The following ABLIM2 variants were observed in gnomAD, a reference collection of about 807,000 sequenced individuals.
ABLIM2 encodes actin-binding LIM protein 2.
Under a neutral mutation model 97.7 loss-of-function variants are expected in ABLIM2, and 53 were observed. That is an observed-to-expected ratio of 0.54 (90% CI 0.44 to 0.68). The LOEUF is 0.68. Ranked by LOEUF, ABLIM2 falls within the 30% of genes least tolerant of loss-of-function variation. The pLI, the probability that ABLIM2 is intolerant of heterozygous loss-of-function variation, is 0.00. For synonymous variants in ABLIM2, 361 were observed against 345.8 expected (o/e 1.04, Z -0.49); for missense variants, 835 against 867.2 (o/e 0.96, Z 0.47).
rs573679268 is a variant in ABLIM2, at chr4:8,017,760, G to C, written c.1423+1858C>G. Among the ~76,000 whole-genome samples, 8 of 152,316 alleles carry C rather than the reference G, an allele frequency of 5.3e-5. No individual in the cohort carries two copies. In the East Asian group the frequency reaches 7.7e-4, roughly 15 times the overall value. On this transcript the variant is annotated intron_variant, in intron 14 of 20. Coordinates refer to ENST00000447017, the MANE Select transcript of ABLIM2 (RefSeq NM_001130083.2). ...TATAATCCTAGCACTTTGGGAGGCTGAAGCGGGTGGATCACAAGGTCAAAA... is the reference window on the plus strand; with the variant it reads ...TATAATCCTAGCACTTTGGGAGGCTCAAGCGGGTGGATCACAAGGTCAAAA...
chr4:7,976,803 A>C (rs929574926), intron 20 of ABLIM2, among the ~76,000 whole-genome samples: 1 of 152,168 alleles, frequency 6.6e-6, no homozygotes, highest in African/African-American at 2.4e-5. Context: ...ACACACATAC[A>C]CATGTATACA....
chr4:8,088,119 C>A (rs1394750351), intron 4 of ABLIM2, 50 bp downstream of exon 4: 2 of 826,768 alleles, frequency 2.4e-6, no homozygotes, highest in Non-Finnish European at 3.5e-6. Context: ...TTTAGCACCC[C>A]CCACTCAGCA....
chr4:7,973,361 C>T (rs1011511846), intron 20 of ABLIM2, among the ~76,000 whole-genome samples: 1 of 151,318 alleles, frequency 6.6e-6, no homozygotes, highest in South Asian at 2.1e-4. Flanking sequence ...ATTAACCAGG[C>T]GTGGTGGTAC....
chr4:7,977,825 T>TAAAA (rs1253773449), intron 20 of ABLIM2, among the ~76,000 whole-genome samples: 2 of 151,260 alleles, frequency 1.3e-5, no homozygotes, highest in African/African-American at 2.4e-5. Flanking sequence ...AATAAATAAA[T>TAAAA]AAAAGGTGGG....
chr4:8,119,108 A>AGTGGCCCAGCAAGCCTCAGG (rs1215719620), intron 1 of ABLIM2, among the ~76,000 whole-genome samples: 1 of 152,000 alleles, frequency 6.6e-6, no homozygotes, highest in East Asian at 1.9e-4. Flanking sequence ...CTGGGGAACA[A>AGTGGCCCAGCAAGCCTCAGG]GTGGCCCAGC....
At chr4:7,981,474 C>T (rs188966845) in intron 20 of ABLIM2, among the ~76,000 whole-genome samples, 69 of 152,270 alleles carry the variant, frequency 4.5e-4, no homozygotes, top group Middle Eastern at 3.4e-3. Flanking sequence ...ACCCAACCAC[C>T]GTGGGCCCGT....
rs772068885 is a variant in ABLIM2, at chr4:8,097,248, G to C, written c.189C>G (p.Phe63Leu). ...TGCAGATGTACTCGCCCTGCCGCAC[G>C]AAGAAGCCGCCCTCGGCCAGGTCGC... is the stretch of plus-strand genomic sequence containing the variant. ...CGCDLAEGGF[F>L]VRQGEYICTL... The change falls in exon 3 of 21, where the codon TTC (phenylalanine) becomes TTG (leucine). Residue 63 changes from phenylalanine (F) to leucine (L), a missense_variant. By Grantham distance (22) the Phe-to-Leu change is conservative. Transcript: ENST00000447017. 1.3e-6 allele frequency: 2 copies of C among 1,571,868 alleles called. No individual in the cohort carries two copies. Among genetic ancestry groups the C allele is most frequent in the South Asian group, 2.3e-5 (2 of 85,498 alleles).
In ABLIM2 at chr4:8,071,788, C is replaced by T; in HGVS notation, c.675+5840G>A. ...TCCTACCTGCACAGCTTCTGGGCAC[C>T]AGAGCCCAGTCTGACGGCCCTGCTT... is the stretch of plus-strand genomic sequence containing the variant. On this transcript the variant is annotated intron_variant, in intron 6 of 20. Transcript: ENST00000447017. This position sits in a 1 kb window ranked among gnomAD's most constrained non-coding sequence, Gnocchi z 6.2. 1 of 985,476 alleles carries T rather than the reference C, an allele frequency of 1.0e-6. No individual in the cohort carries two copies. Among genetic ancestry groups the T allele is most frequent in the Non-Finnish European group, 1.2e-6 (1 of 829,998 alleles). The allele number at this position is 985,476 out of a possible 1,614,324, so 61.0% of individuals were successfully genotyped here. A position where few individuals can be genotyped will look rare whatever the true frequency, so the allele number is the denominator to read the frequency against.
At chr4:8,080,205 C>T (rs901208132) in intron 5 of ABLIM2, among the ~76,000 whole-genome samples, 92 of 152,320 alleles carry the variant, frequency 6.0e-4, no homozygotes, top group African/African-American at 2.1e-3. Context: ...AGACAGAGTG[C>T]GTGGCTGTGG....
chr4:8,055,158 T>C (rs1423471423), intron 7 of ABLIM2, among the ~76,000 whole-genome samples: 1 of 152,180 alleles, frequency 6.6e-6, no homozygotes, highest in Non-Finnish European at 1.5e-5. Context: ...GAAAAGTGCT[T>C]TGTGAGTTGC....
In ABLIM2 at chr4:8,003,561, C is replaced by CTTT. The variant is rs796877068; in HGVS notation, c.1618+4495_1618+4497dup. On this transcript the variant is annotated intron_variant, in intron 16 of 20. Transcript: ENST00000447017. The surrounding 1 kb of genome is among the most constrained non-coding windows in gnomAD (Gnocchi z 4.2). ...ACCACTACGCTCTTCTTCCAGTTTTCTTTTTTTTTTTTTTTTTTTTTGGAG... is the reference window on the plus strand; with the variant it reads ...ACCACTACGCTCTTCTTCCAGTTTTCTTTTTTTTTTTTTTTTTTTTTTTTGGAG... Among the ~76,000 whole-genome samples the CTTT allele has an allele frequency of 3.7e-4, 45 of 120,168 alleles. No individual in the cohort carries two copies. Among genetic ancestry groups the CTTT allele is most frequent in the East Asian group, 9.7e-4 (4 of 4,110 alleles). 78.8% of individuals were successfully genotyped at this position (120,168 alleles called of 152,430 possible). A position where few individuals can be genotyped will look rare whatever the true frequency, so the allele number is the denominator to read the frequency against.
chr4:8,010,300 C>T (rs1244616613), intron 14 of ABLIM2: 2 of 917,244 alleles, frequency 2.2e-6, no homozygotes, highest in East Asian at 2.4e-4. Context: ...GGTAAACACC[C>T]ACACCTTGTG....
chr4:7,967,332 G>A (rs1265675843), intron 20 of ABLIM2, among the ~76,000 whole-genome samples: 1 of 152,216 alleles, frequency 6.6e-6, no homozygotes, highest in East Asian at 1.9e-4. Flanking sequence ...TGGTGGAGCT[G>A]GAGCCAGAAT....
chr4:7,971,350 C>G (rs182229440), intron 20 of ABLIM2, among the ~76,000 whole-genome samples: 3 of 151,980 alleles, frequency 2.0e-5, no homozygotes, highest in African/African-American at 7.2e-5. Flanking sequence ...CCCCAGGGCC[C>G]GCGCAGGACA....
rs1341694287 is a variant in ABLIM2, at chr4:7,998,230, T to C, written c.1619-5303A>G. ...TCAAATCATTGATCTTCGGTGTTCT[T>C]GGTGTGACGGGTAATTTTTCTGCAG... is the stretch of plus-strand genomic sequence containing the variant. On this transcript the variant is annotated intron_variant, in intron 16 of 20. Coordinates refer to ENST00000447017, the MANE Select transcript of ABLIM2 (RefSeq NM_001130083.2). This position sits in a 1 kb window ranked among gnomAD's most constrained non-coding sequence, Gnocchi z 6.4. Among the ~76,000 whole-genome samples, 1 of 152,118 alleles carries C rather than the reference T, an allele frequency of 6.6e-6. No individual in the cohort carries two copies. The highest frequency in any genetic ancestry group is 6.6e-5 in the Admixed American group (1 of 15,262).
At chr4:7,967,307 A>ATC (rs1316675328) in intron 20 of ABLIM2, among the ~76,000 whole-genome samples, 3 of 152,162 alleles carry the variant, frequency 2.0e-5, no homozygotes, top group Non-Finnish European at 2.9e-5. Context: ...CCTGCCAGGG[A>ATC]CACACAGCAC....
Position 8,110,267 on chromosome 4 carries a change from G to A in ABLIM2, c.11-3630C>T, listed in dbSNP as rs193164282. ...ATGCACAAGCGTCTCTTCATGATCC[G>A]ACAAGGGAGAGGTTCACGCTGCTGG... On this transcript the variant is annotated intron_variant, in intron 1 of 20. Transcript: ENST00000447017. Among the ~76,000 whole-genome samples, 216 of 152,330 alleles carry A rather than the reference G, an allele frequency of 1.4e-3. 1 individual carries two copies. The highest frequency in any genetic ancestry group is 2.5e-3 in the Non-Finnish European group (172 of 68,032).
chr4:8,097,800 C>T (rs1377118789), intron 2 of ABLIM2, among the ~76,000 whole-genome samples: 2 of 152,152 alleles, frequency 1.3e-5, no homozygotes, highest in African/African-American at 2.4e-5. Context: ...CCCACCCCCT[C>T]CCCCACTCCT....
At chr4:8,020,059 C>T in intron 13 of ABLIM2, 143 bp downstream of exon 13, 1 of 716,298 alleles carries the variant, frequency 1.4e-6, no homozygotes, top group South Asian at 1.9e-5. Flanking sequence ...TTAAAGAAAT[C>T]TCAGTGCCTG....
Sources: allele counts gnomAD v4.1 joint callset (sites outside exome capture counted in the v4.1 genomes callset), GRCh38; gene constraint gnomAD v4.1.1; non-coding constraint Gnocchi (gnomAD v3.1); transcripts MANE v1.5; gene names NCBI Gene and HGNC (gene_info 2026-07-23, HGNC 2026-07-21).